Variants in CACNA1E observed in about 807,000 individuals in gnomAD.
CACNA1E encodes the protein voltage-dependent R-type calcium channel subunit alpha-1E.
Under a neutral mutation model 259.2 loss-of-function variants are expected in CACNA1E, and 40 were observed. The observed-to-expected ratio is 0.15, with a 90% CI of 0.12 to 0.20. The LOEUF is 0.20. CACNA1E is among the 10% of genes least tolerant of loss of function. The probability of loss-of-function intolerance (pLI) is 1.00; values close to 1 mark genes in which losing one functional copy is unlikely to be tolerated. For synonymous variants in CACNA1E, 1,104 were observed against 1,138.5 expected (o/e 0.97, Z 0.61); for missense variants, 1,874 against 3,040.1 (o/e 0.62, Z 9.02).
chr1:181,419,519 T>C (rs939794847), intron 2 of CACNA1E, among the ~76,000 whole-genome samples: 3 of 152,196 alleles, frequency 2.0e-5, no homozygotes, highest in Admixed American at 2.0e-4. Flanking sequence ...GCTTTATTTT[T>C]CATCATAGCC....
At chr1:181,320,333 G>A (rs1650242818) in intron 1 of CACNA1E, among the ~76,000 whole-genome samples, 1 of 152,166 alleles carries the variant, frequency 6.6e-6, no homozygotes, top group South Asian at 2.1e-4. Context: ...GCTTGTGTGA[G>A]GGAGTGATGA....
intron 1 of CACNA1E, among the ~76,000 whole-genome samples, chr1:181,384,756 C>T (rs1655717933): frequency 6.6e-6 from 1 of 152,048 alleles, no homozygotes; most frequent in African/African-American, 2.4e-5. Flanking sequence ...TCCATTCTGC[C>T]CTCTGATAGC....
chr1:181,538,499 C>T (rs981352695), intron 3 of CACNA1E, among the ~76,000 whole-genome samples: 44 of 152,144 alleles, frequency 2.9e-4, no homozygotes, highest in Admixed American at 1.8e-3. Flanking sequence ...ATGTGTTATA[C>T]GTAAATGTGC....
At chr1:181,723,140 C>T (rs755697261) in intron 16 of CACNA1E, among the ~76,000 whole-genome samples, 1 of 152,124 alleles carries the variant, frequency 6.6e-6, no homozygotes, top group Non-Finnish European at 1.5e-5. Context: ...CCTTCAGGAC[C>T]CTCACAAGAA....
At chr1:181,632,193 G>A (rs1052090208) in intron 6 of CACNA1E, among the ~76,000 whole-genome samples, 6 of 150,516 alleles carry the variant, frequency 4.0e-5, no homozygotes, top group Non-Finnish European at 8.9e-5. Flanking sequence ...AGATATTCCT[G>A]AGGGATAGCA....
At position 181,732,996 on chromosome 1, in the gene CACNA1E, G is replaced by T; in HGVS notation, c.2910G>T (p.Glu970Asp). 1 of 1,611,876 alleles carries T rather than the reference G, an allele frequency of 6.2e-7. No homozygotes were observed. The highest frequency in any genetic ancestry group is 8.5e-7 in the Non-Finnish European group (1 of 1,178,976). ...HELRGNHGAK[E>D]PTIQEERAQD... ...TCAGGGGCAACCATGGTGCCAAGGAGCCAACGATCCAAGAAGAGAGAGCCC... is the reference window on the plus strand; with the variant it reads ...TCAGGGGCAACCATGGTGCCAAGGATCCAACGATCCAAGAAGAGAGAGCCC... Residue 970 changes from glutamate to aspartate, a missense_variant, in exon 20 of 48, where the codon GAG becomes GAT. Transcript: ENST00000367573. The surrounding 1 kb of genome is among the most constrained non-coding windows in gnomAD (Gnocchi z 5.5).
At chr1:181,615,347 G>A (rs1009900205) in intron 6 of CACNA1E, among the ~76,000 whole-genome samples, 1 of 151,968 alleles carries the variant, frequency 6.6e-6, no homozygotes, top group African/African-American at 2.4e-5. Flanking sequence ...CTGCCACCAC[G>A]CCTGGCTAAT....
intron 7 of CACNA1E, among the ~76,000 whole-genome samples, chr1:181,696,095 T>C (rs1651676673): frequency 6.6e-6 from 1 of 152,108 alleles, no homozygotes; most frequent in Non-Finnish European, 1.5e-5. Flanking sequence ...AACAATGAAA[T>C]CAAAACAATT....
At chr1:181,460,627 C>G (rs1423271603) in intron 2 of CACNA1E, among the ~76,000 whole-genome samples, 1 of 152,190 alleles carries the variant, frequency 6.6e-6, no homozygotes, top group Non-Finnish European at 1.5e-5. Flanking sequence ...CATGGAGTTC[C>G]CTCAGGAGGA....
intron 7 of CACNA1E, among the ~76,000 whole-genome samples, chr1:181,663,842 A>G (rs976157116): frequency 6.6e-6 from 1 of 152,234 alleles, no homozygotes; most frequent in African/African-American, 2.4e-5. Flanking sequence ...ATTTTCCCAT[A>G]AATTGGCATA....
chr1:181,376,790 C>A (rs1486971444), intron 1 of CACNA1E, among the ~76,000 whole-genome samples: 1 of 152,120 alleles, frequency 6.6e-6, no homozygotes, highest in African/African-American at 2.4e-5. Context: ...CTCTTTGTCA[C>A]ATTCGACTCA....
rs35884110 is a variant in CACNA1E at position 181,716,296 on chromosome 1, TA to T, written c.1315+183del. On this transcript the variant is annotated intron_variant, in intron 10 of 47. Coordinates refer to ENST00000367573, the MANE Select transcript of CACNA1E (RefSeq NM_001205293.3). The stretch of plus-strand genomic sequence containing the variant: ...CGAATCTAGATTACAATGATTTATT[TA>T]AAAAAAAAAAAAAAAGGACCTGGGG... 0.02 allele frequency among the ~76,000 whole-genome samples: 2,883 copies of T among 140,964 alleles called. 52 individuals carry two copies. Among genetic ancestry groups the T allele is most frequent in the African/African-American group, 0.056 (2,149 of 38,150 alleles). 92.5% of individuals were successfully genotyped at this position (140,964 alleles called of 152,430 possible).
intron 7 of CACNA1E, among the ~76,000 whole-genome samples, chr1:181,654,866 C>T (rs1659064821): frequency 6.6e-6 from 1 of 151,930 alleles, no homozygotes; most frequent in South Asian, 2.1e-4. Flanking sequence ...CGCCTGTAGT[C>T]CCAGCTACGC....
intron 1 of CACNA1E, among the ~76,000 whole-genome samples, chr1:181,362,784 A>C (rs915426078): frequency 6.6e-6 from 1 of 152,186 alleles, no homozygotes; most frequent in Non-Finnish European, 1.5e-5. Context: ...AAACGGGGGA[A>C]CCGGAGCAAA....
intron 3 of CACNA1E, among the ~76,000 whole-genome samples, chr1:181,554,328 A>G (rs1025883353): frequency 6.6e-6 from 1 of 152,152 alleles, no homozygotes; most frequent in Non-Finnish European, 1.5e-5. Flanking sequence ...TTTAGTTGTT[A>G]TTCAGTAATC....
intron 25 of CACNA1E, among the ~76,000 whole-genome samples, chr1:181,745,625 G>A (rs1168094095): frequency 6.6e-6 from 1 of 152,018 alleles, no homozygotes; most frequent in Non-Finnish European, 1.5e-5. Flanking sequence ...ATGGGACTTG[G>A]GGACCATCAA....
chr1:181,650,044 A>G (rs11588093), intron 6 of CACNA1E, among the ~76,000 whole-genome samples: 26,516 of 152,222 alleles, frequency 0.17, 2,422 homozygotes, highest in South Asian at 0.28. Flanking sequence ...TCAACTATAC[A>G]GTGATAGCTT....
At chr1:181,374,822 C>T (rs963650848) in intron 1 of CACNA1E, among the ~76,000 whole-genome samples, 7 of 152,106 alleles carry the variant, frequency 4.6e-5, no homozygotes, top group Non-Finnish European at 7.4e-5. Context: ...CATGTTTAAA[C>T]GCCCCTTCTC....
intron 43 of CACNA1E, among the ~76,000 whole-genome samples, chr1:181,789,014 C>T (rs1398565257): frequency 7.3e-6 from 1 of 136,808 alleles, no homozygotes; most frequent in Non-Finnish European, 1.6e-5. Flanking sequence ...ACCCCAGGCA[C>T]GTGCTATCAC....
Sources: allele counts gnomAD v4.1 joint callset (sites outside exome capture counted in the v4.1 genomes callset), GRCh38; gene constraint gnomAD v4.1.1; non-coding constraint Gnocchi (gnomAD v3.1); transcripts MANE v1.5; gene names NCBI Gene and HGNC (gene_info 2026-07-23, HGNC 2026-07-21).